Variants in MAGI2 observed in about 807,000 individuals in gnomAD.
MAGI2 encodes the protein membrane associated guanylate kinase, WW and PDZ domain containing 2.
Under a neutral mutation model 133.3 loss-of-function variants are expected in MAGI2, and 35 were observed. The observed-to-expected ratio is 0.26, with a 90% CI of 0.20 to 0.35. MAGI2 has a LOEUF of 0.35. Among genes scored for constraint, MAGI2 ranks in the 10% least tolerant of loss-of-function variants. The pLI is 1.00. For missense variants in MAGI2, 1,636 were observed against 1,863.4 expected (o/e 0.88, Z 2.25); for synonymous variants, 729 against 710.6 (o/e 1.03, Z -0.41).
At chr7:79,350,585 A>C (rs765199761) in intron 1 of MAGI2, among the ~76,000 whole-genome samples, 16 of 152,134 alleles carry the variant, frequency 1.1e-4, no homozygotes, top group Non-Finnish European at 1.9e-4. Context: ...TAAAAAAAAT[A>C]AAGGAATGAA....
intron 9 of MAGI2, among the ~76,000 whole-genome samples, chr7:78,298,048 T>C (rs747754041): frequency 2.6e-5 from 4 of 152,014 alleles, no homozygotes; most frequent in African/African-American, 7.3e-5. Flanking sequence ...GTCATGTTGA[T>C]AGCATATACT....
At chr7:78,291,194 TAAA>T (rs764070364) in intron 9 of MAGI2, among the ~76,000 whole-genome samples, 9 of 151,788 alleles carry the variant, frequency 5.9e-5, no homozygotes, top group Non-Finnish European at 1.0e-4. Context: ...GCAAGACTAA[TAAA>T]GAAGAAAAGA....
intron 3 of MAGI2, among the ~76,000 whole-genome samples, chr7:78,608,459 A>G (rs543957492): frequency 3.9e-4 from 58 of 147,126 alleles, no homozygotes; most frequent in African/African-American, 1.1e-3. Flanking sequence ...GTATATATAT[A>G]TGTGTGTGTA....
intron 5 of MAGI2, among the ~76,000 whole-genome samples, chr7:78,491,771 C>T (rs62467103): frequency 0.081 from 12,287 of 151,726 alleles, 680 homozygotes; most frequent in Non-Finnish European, 0.12. Flanking sequence ...TCTGACTATT[C>T]CTAATGTGAG....
chr7:79,442,405 C>T (rs541411936), intron 1 of MAGI2, among the ~76,000 whole-genome samples: 15 of 151,186 alleles, frequency 9.9e-5, no homozygotes, highest in African/African-American at 3.6e-4. Flanking sequence ...AGTGCCTTTC[C>T]GAGACTATTT....
intron 9 of MAGI2, among the ~76,000 whole-genome samples, chr7:78,324,165 CACTACACACT>C (rs1247907616): frequency 9.2e-6 from 1 of 108,432 alleles, no homozygotes; most frequent in African/African-American, 3.8e-5. Flanking sequence ...CACTACACTA[CACTACACACT>C]ACACTACACT....
At chr7:78,068,141 G>A (rs1034314423) in intron 21 of MAGI2, among the ~76,000 whole-genome samples, 6 of 152,186 alleles carry the variant, frequency 3.9e-5, no homozygotes, top group African/African-American at 1.4e-4. Context: ...GGATGAAACT[G>A]TTCCACCTCA....
At chr7:79,169,478 C>T (rs986970393) in intron 1 of MAGI2, among the ~76,000 whole-genome samples, 1 of 152,018 alleles carries the variant, frequency 6.6e-6, no homozygotes, top group African/African-American at 2.4e-5. Context: ...CAGCATTTAA[C>T]ATTTGTATCA....
intron 2 of MAGI2, among the ~76,000 whole-genome samples, chr7:78,949,528 G>T (rs967340843): frequency 6.6e-6 from 1 of 152,148 alleles, no homozygotes; most frequent in African/African-American, 2.4e-5. Flanking sequence ...CTTGAAATCA[G>T]AGGCTAAAAT....
intron 6 of MAGI2, among the ~76,000 whole-genome samples, chr7:78,437,864 G>A (rs1787202490): frequency 6.6e-6 from 1 of 152,080 alleles, no homozygotes; most frequent in Admixed American, 6.5e-5. Context: ...ATAACCTTTA[G>A]AATATAAATA....
At chr7:78,971,396 T>C (rs1803773439) in intron 2 of MAGI2, among the ~76,000 whole-genome samples, 1 of 151,988 alleles carries the variant, frequency 6.6e-6, no homozygotes, top group East Asian at 1.9e-4. Context: ...GGAAAATAAT[T>C]CAAGTACTAA....
Position 79,168,931 on chromosome 7 carries a change from TATAAA to T in MAGI2, c.302-161730_302-161726del, listed in dbSNP as rs1383458695. 3.0e-5 allele frequency among the ~76,000 whole-genome samples: 4 copies of T among 134,552 alleles called. No homozygotes were observed. The East Asian group carries it at 8.7e-4, about 29-fold the overall frequency. The allele number at this position is 134,552 out of a possible 152,430, so 88.3% of individuals were successfully genotyped here. A position where few individuals can be genotyped will look rare whatever the true frequency, so the allele number is the denominator to read the frequency against. The stretch of plus-strand genomic sequence containing the variant: ...ATATATATATATATATATATATATA[TATAAA>T]TTTTTTTTCCCTTTGCAACTTGTGG... On this transcript the variant is annotated intron_variant, in intron 1 of 21. Coordinates refer to ENST00000354212, the MANE Select transcript of MAGI2 (RefSeq NM_012301.4).
chr7:78,314,295 T>G (rs1403582544), intron 9 of MAGI2, among the ~76,000 whole-genome samples: 2 of 152,140 alleles, frequency 1.3e-5, no homozygotes, highest in Non-Finnish European at 2.9e-5. Context: ...TAATGCCTCT[T>G]TATTGCTTTT....
At chr7:79,402,373 G>A (rs1007549367) in intron 1 of MAGI2, among the ~76,000 whole-genome samples, 4 of 152,076 alleles carry the variant, frequency 2.6e-5, no homozygotes, top group Admixed American at 6.6e-5. Flanking sequence ...GAGGGACATA[G>A]GAAGGCCAAA....
intron 1 of MAGI2, among the ~76,000 whole-genome samples, chr7:79,341,675 T>C (rs1433330065): frequency 2.6e-5 from 4 of 152,180 alleles, no homozygotes; most frequent in Non-Finnish European, 5.9e-5. Context: ...TAGAGGCTAG[T>C]TCATGAAGAC....
chr7:79,354,976 T>C lies in MAGI2; in HGVS notation c.301+98044A>G, dbSNP rs375357600. On this transcript the variant is annotated intron_variant, in intron 1 of 21. Coordinates refer to ENST00000354212, the MANE Select transcript of MAGI2 (RefSeq NM_012301.4). Reference sequence around the variant, plus strand: ...CTGTTGGGATCACTATCTTTCATGGTGCTTCCCTTTCTCTCCTTCTCTACC... The same window carrying C: ...CTGTTGGGATCACTATCTTTCATGGCGCTTCCCTTTCTCTCCTTCTCTACC... Among the ~76,000 whole-genome samples, 16 of 152,310 alleles carry C rather than the reference T, an allele frequency of 1.1e-4. No homozygotes were observed. In the East Asian group the frequency reaches 2.1e-3, roughly 20 times the overall value.
chr7:78,149,913 T>C (rs899259611), intron 16 of MAGI2, among the ~76,000 whole-genome samples: 3 of 152,124 alleles, frequency 2.0e-5, no homozygotes, highest in Non-Finnish European at 4.4e-5. Context: ...AAAATGGCAA[T>C]GGCACACTCC....
At chr7:79,315,480 C>T (rs1024595466) in intron 1 of MAGI2, among the ~76,000 whole-genome samples, 1 of 151,714 alleles carries the variant, frequency 6.6e-6, no homozygotes, top group Non-Finnish European at 1.5e-5. Context: ...CAGCCTAATT[C>T]GTTTTTTTTA....
chr7:78,077,277 C>T (rs910341357), intron 21 of MAGI2, among the ~76,000 whole-genome samples: 4 of 152,122 alleles, frequency 2.6e-5, no homozygotes, highest in African/African-American at 9.7e-5. Context: ...TCACAGGTCA[C>T]TTTGATATTA....
Sources: allele counts gnomAD v4.1 joint callset (sites outside exome capture counted in the v4.1 genomes callset), GRCh38; gene constraint gnomAD v4.1.1; transcripts MANE v1.5; gene names NCBI Gene and HGNC (gene_info 2026-07-23, HGNC 2026-07-21).